The following FGD3 variants were observed in gnomAD, a reference collection of about 807,000 sequenced individuals.
The protein encoded by FGD3 is FYVE, RhoGEF and PH domain-containing protein 3.
In FGD3, 45 loss-of-function variants were observed where a neutral mutation model predicts 71.8. The ratio of observed to expected loss-of-function variants is 0.63; its 90% CI spans 0.49 to 0.80. The LOEUF is 0.80. Among genes scored for constraint, FGD3 ranks in the 30% least tolerant of loss-of-function variants. The probability of loss-of-function intolerance (pLI) is 0.00; values close to 1 mark genes in which losing one functional copy is unlikely to be tolerated. For synonymous variants in FGD3, 378 were observed against 392.8 expected (o/e 0.96, Z 0.44); for missense variants, 844 against 951.5 (o/e 0.89, Z 1.49).
intron 14 of FGD3, among the ~76,000 whole-genome samples, chr9:93,026,836 G>GCTGC (rs1277296139): frequency 4.6e-5 from 7 of 152,240 alleles, no homozygotes; most frequent in African/African-American, 1.7e-4. Context: ...ACCATGCAGT[G>GCTGC]CTGCCCCTGG....
At chr9:93,014,376 G>A (rs777222478) in intron 9 of FGD3, among the ~76,000 whole-genome samples, 98 of 152,246 alleles carry the variant, frequency 6.4e-4, no homozygotes, top group Middle Eastern at 3.4e-3. Flanking sequence ...AACCCTGGCC[G>A]GGAGGGAGGG....
chr9:92,951,743 C>T (rs1419241830), intron 1 of FGD3, among the ~76,000 whole-genome samples: 1 of 152,120 alleles, frequency 6.6e-6, no homozygotes, highest in African/African-American at 2.4e-5. Flanking sequence ...TGAGCACACT[C>T]ATGTTCTTGG....
At chr9:93,004,835 G>A (rs568682415) in intron 5 of FGD3, among the ~76,000 whole-genome samples, 13 of 152,298 alleles carry the variant, frequency 8.5e-5, no homozygotes, top group Admixed American at 5.9e-4. Context: ...ACAGAGGCTT[G>A]ACTGGAATGG....
intron 17 of FGD3, among the ~76,000 whole-genome samples, chr9:93,035,127 T>C (rs1587878962): frequency 6.6e-6 from 1 of 152,068 alleles, no homozygotes; most frequent in Admixed American, 6.5e-5. Flanking sequence ...CCTCCCTATA[T>C]CTCCCTCGGG....
intron 5 of FGD3, among the ~76,000 whole-genome samples, chr9:93,005,141 T>A (rs979178029): frequency 1.3e-5 from 2 of 151,780 alleles, no homozygotes; most frequent in South Asian, 4.2e-4. Flanking sequence ...TTTTTTTTTT[T>A]AAACAGAGTC....
At chr9:93,013,439 A>G (rs913377393) in intron 8 of FGD3, among the ~76,000 whole-genome samples, 1 of 152,068 alleles carries the variant, frequency 6.6e-6, no homozygotes, top group Non-Finnish European at 1.5e-5. Context: ...CCATGTGACC[A>G]CCCCACCAGT....
At chr9:92,999,386 C>G (rs182486507) in intron 3 of FGD3, among the ~76,000 whole-genome samples, 1 of 152,064 alleles carries the variant, frequency 6.6e-6, no homozygotes, top group African/African-American at 2.4e-5. Flanking sequence ...CTTCCCTTTG[C>G]TAGGAAAGGG....
chr9:93,005,022 C>G (rs912816951), intron 5 of FGD3, among the ~76,000 whole-genome samples: 1 of 152,216 alleles, frequency 6.6e-6, no homozygotes, highest in Non-Finnish European at 1.5e-5. Context: ...CAGGTTTTCT[C>G]CTGCAAGGCC....
chr9:93,030,144 C>A (rs1485121034), intron 15 of FGD3, 148 bp downstream of exon 15: 1 of 875,546 alleles, frequency 1.1e-6, no homozygotes, highest in Non-Finnish European at 1.7e-6. Flanking sequence ...GATATAGATA[C>A]CCTTGAGTGC....
At chr9:92,992,389 T>G (rs72741052) in intron 3 of FGD3, among the ~76,000 whole-genome samples, 11,091 of 152,246 alleles carry the variant, frequency 0.073, 697 homozygotes, top group African/African-American at 0.17. Context: ...TATAAGACTG[T>G]CTTGAGCATT....
intron 1 of FGD3, among the ~76,000 whole-genome samples, chr9:92,971,064 A>T (rs895869532): frequency 6.6e-6 from 1 of 152,190 alleles, no homozygotes; most frequent in Non-Finnish European, 1.5e-5. Flanking sequence ...GGGGCTCCTC[A>T]ACCCAGGTTG....
intron 1 of FGD3, among the ~76,000 whole-genome samples, chr9:92,973,556 G>A (rs751329574): frequency 7.9e-5 from 12 of 152,198 alleles, no homozygotes; most frequent in Non-Finnish European, 1.6e-4. Flanking sequence ...TTCCTGTTAA[G>A]TTTTGTTAAT....
rs147593646 is a variant in FGD3 at position 92,970,621 on chromosome 9, C to A, written c.-217-4617C>A. 2.1e-3 allele frequency among the ~76,000 whole-genome samples: 326 copies of A among 152,344 alleles called. 1 individual carries two copies. Among genetic ancestry groups the A allele is most frequent in the African/African-American group, 7.7e-3 (319 of 41,570 alleles). ...ATCTGTTAGTCTCAAGCCTGCATAGCAAGTGGTTTCAGGAGGGACCTATTT... is the reference window on the plus strand; with the variant it reads ...ATCTGTTAGTCTCAAGCCTGCATAGAAAGTGGTTTCAGGAGGGACCTATTT... On this transcript the variant is annotated intron_variant, in intron 1 of 17. Coordinates refer to ENST00000375482, the MANE Select transcript of FGD3 (RefSeq NM_001083536.2).
rs1861656165 is a variant in FGD3 at position 93,015,787 on chromosome 9, G to C, written c.1233G>C (p.Gln411His). The change falls in exon 10 of 18, where the codon CAG becomes CAC. Residue 411 changes from glutamine (Q) to histidine (H), a missense_variant. By Grantham distance (24) the Gln-to-His change is conservative (BLOSUM62 0). Coordinates refer to ENST00000375482, the MANE Select transcript of FGD3 (RefSeq NM_001083536.2). ...TGCCCAAGCTGCGGCTCATGGGCCA[G>C]AAGTTCAGCGTCCGGGAGAAGATGG... The part of the protein sequence containing the change: ...YCVPKLRLMG[Q>H]KFSVREKMDI... 6.2e-7 allele frequency: 1 copy of C among 1,614,088 alleles called. No homozygotes were observed. Among genetic ancestry groups the C allele is most frequent in the African/African-American group, 1.3e-5 (1 of 74,922 alleles).
At chr9:93,009,754 T>C (rs10122401) in intron 6 of FGD3, among the ~76,000 whole-genome samples, 82,167 of 152,076 alleles carry the variant, frequency 0.54, 22,854 homozygotes, top group African/African-American at 0.68. Flanking sequence ...CTGATTGGAA[T>C]ACTGGTGCGT....
chr9:92,967,638 G>A (rs1250440560), intron 1 of FGD3, among the ~76,000 whole-genome samples: 2 of 152,036 alleles, frequency 1.3e-5, no homozygotes, highest in Non-Finnish European at 2.9e-5. Flanking sequence ...GCAGTGGCGC[G>A]ATCTCAGCTC....
At chr9:92,961,648 G>A (rs1256590175) in intron 1 of FGD3, among the ~76,000 whole-genome samples, 1 of 152,220 alleles carries the variant, frequency 6.6e-6, no homozygotes, top group Non-Finnish European at 1.5e-5. Context: ...GTATTGGGGT[G>A]TGGCTTGGCT....
intron 3 of FGD3, among the ~76,000 whole-genome samples, chr9:92,977,235 T>C (rs773887312): frequency 1.2e-4 from 18 of 152,114 alleles, no homozygotes; most frequent in Non-Finnish European, 2.5e-4. Flanking sequence ...CAGTGCAGTG[T>C]GGAGACCAGA....
At chr9:93,004,973 G>A (rs1860998186) in intron 5 of FGD3, among the ~76,000 whole-genome samples, 1 of 152,156 alleles carries the variant, frequency 6.6e-6, no homozygotes, top group Admixed American at 6.5e-5. Context: ...AGGACTGGAT[G>A]CAGCCTTCTG....
Sources: gnomAD v4.1 joint callset for allele counts (sites outside exome capture counted in the v4.1 genomes callset) on GRCh38, gnomAD v4.1.1 for gene constraint, MANE v1.5 for transcripts, NCBI Gene and HGNC (gene_info 2026-07-23, HGNC 2026-07-21) for gene names.